RIT2: variants seen among roughly 807,000 people sequenced by gnomAD.
RIT2 encodes the protein Ras like without CAAX 2, also known as GTP-binding protein Rit2.
A neutral mutation model predicts 23.7 loss-of-function variants in RIT2; 24 were observed. The observed-to-expected ratio is 1.01, with a 90% CI of 0.73 to 1.43. RIT2 has a LOEUF of 1.43. Ranked by LOEUF, RIT2 falls within the 40% of genes most tolerant of loss-of-function variation. The pLI is 0.00. For missense variants in RIT2, 236 were observed against 266.9 expected, an observed-to-expected ratio of 0.88 and a Z score of 0.81; for synonymous variants, 107 against 91.1, an observed-to-expected ratio of 1.17 and a Z score of -0.99.
At chr18:42,820,462 G>A (rs1264291467) in intron 4 of RIT2, among the ~76,000 whole-genome samples, 1 of 152,190 alleles carries the variant, frequency 6.6e-6, no homozygotes, top group East Asian at 1.9e-4. Context: ...ACCTACAGGG[G>A]CTACATCAAT....
chr18:42,903,044 ATAG>A (rs202141717), intron 4 of RIT2, among the ~76,000 whole-genome samples: 1,529 of 152,090 alleles, frequency 0.01, 22 homozygotes, highest in African/African-American at 0.034. Flanking sequence ...AGGCATAAAA[ATAG>A]TAGAAAAAGA....
intron 4 of RIT2, among the ~76,000 whole-genome samples, chr18:42,780,822 T>G (rs2143931509): frequency 6.9e-6 from 1 of 144,684 alleles, no homozygotes. Flanking sequence ...TTTTCAGGCT[T>G]TTTTTTTTTT....
intron 1 of RIT2, among the ~76,000 whole-genome samples, chr18:43,068,379 C>G (rs62092700): frequency 0.09 from 13,666 of 152,196 alleles, 704 homozygotes; most frequent in East Asian, 0.19. Flanking sequence ...GGCTAACCAT[C>G]TGAAACATAT....
At position 43,009,321 on chromosome 18, in the gene RIT2, C is replaced by G. The variant is rs982783844; in HGVS notation, c.160+24490G>C. The stretch of plus-strand genomic sequence containing the variant: ...GAAATGTGACAGCAACATTTTTCAA[C>G]AAGTGGAGCTCAGAAGGGATGGATC... On this transcript the variant is annotated intron_variant, in intron 2 of 4. Transcript: ENST00000326695. Among the ~76,000 whole-genome samples the G allele has an allele frequency of 3.0e-4, 46 of 151,504 alleles. 1 individual carries two copies. The highest frequency in any genetic ancestry group is 1.1e-3 in the African/African-American group (45 of 41,296).
intron 4 of RIT2, among the ~76,000 whole-genome samples, chr18:42,801,061 C>T (rs1905527776): frequency 6.6e-6 from 1 of 152,036 alleles, no homozygotes. Context: ...AAGCAAACAG[C>T]CTCATGTGTC....
chr18:43,026,625 A>AAAGG, intron 2 of RIT2, among the ~76,000 whole-genome samples: 1 of 130,928 alleles, frequency 7.6e-6, no homozygotes, highest in African/African-American at 2.7e-5. Context: ...AGAAAGAAAG[A>AAAGG]AAGAAAGAAA....
intron 4 of RIT2, among the ~76,000 whole-genome samples, chr18:42,764,774 C>T (rs572596116): frequency 6.6e-6 from 1 of 152,348 alleles, no homozygotes; most frequent in Admixed American, 6.5e-5. Context: ...ATCCTCTCAT[C>T]TGCTAACCTT....
chr18:43,066,185 C>T (rs1912766766), intron 1 of RIT2, among the ~76,000 whole-genome samples: 1 of 152,080 alleles, frequency 6.6e-6, no homozygotes, highest in South Asian at 2.1e-4. Flanking sequence ...GATGCATCAT[C>T]ATCATTACAA....
At chr18:42,892,196 C>T (rs1431728795) in intron 4 of RIT2, among the ~76,000 whole-genome samples, 1 of 152,178 alleles carries the variant, frequency 6.6e-6, no homozygotes, top group Non-Finnish European at 1.5e-5. Context: ...CTCTGTAGCA[C>T]TTCCTACCTA....
intron 4 of RIT2, among the ~76,000 whole-genome samples, chr18:42,751,912 A>G (rs576628304): frequency 6.6e-6 from 1 of 152,258 alleles, no homozygotes; most frequent in South Asian, 2.1e-4. Flanking sequence ...TACTTTAACA[A>G]TAAAGTTTTA....
intron 4 of RIT2, among the ~76,000 whole-genome samples, chr18:42,912,170 G>A (rs1355677847): frequency 6.6e-6 from 1 of 150,904 alleles, no homozygotes; most frequent in Non-Finnish European, 1.5e-5. Context: ...ATTTCAATAA[G>A]CCAAGGAAAA....
intron 2 of RIT2, among the ~76,000 whole-genome samples, chr18:43,001,931 C>G (rs1911117171): frequency 1.3e-5 from 2 of 151,950 alleles, no homozygotes; most frequent in African/African-American, 2.4e-5. Context: ...CAGAACTTTA[C>G]TGGATTAGTC....
chr18:42,839,758 C>T (rs954058496), intron 4 of RIT2, among the ~76,000 whole-genome samples: 5 of 152,092 alleles, frequency 3.3e-5, no homozygotes, highest in African/African-American at 7.2e-5. Context: ...AATGAACATA[C>T]GAATGGACAG....
intron 3 of RIT2, among the ~76,000 whole-genome samples, chr18:42,960,076 G>A (rs764362015): frequency 6.6e-6 from 1 of 152,136 alleles, no homozygotes; most frequent in Non-Finnish European, 1.5e-5. Flanking sequence ...AAATGTCTTA[G>A]CACTGTTCAA....
chr18:43,021,064 A>G (rs998295028), intron 2 of RIT2, among the ~76,000 whole-genome samples: 15 of 152,266 alleles, frequency 9.9e-5, no homozygotes, highest in Middle Eastern at 3.4e-3. Context: ...CAGTCAACAA[A>G]ATGAAGAGAC....
rs537358902 is a variant in RIT2 at position 42,875,332 on chromosome 18, T to C, written c.426+48240A>G. 3.1e-4 allele frequency among the ~76,000 whole-genome samples: 45 copies of C among 143,646 alleles called. 1 individual carries two copies. In the East Asian group the frequency reaches 6.4e-3, roughly 20 times the overall value. 94.2% of individuals were successfully genotyped at this position (143,646 alleles called of 152,430 possible). A position where few individuals can be genotyped will look rare whatever the true frequency, so the allele number is the denominator to read the frequency against. On this transcript the variant is annotated intron_variant, in intron 4 of 4. Coordinates refer to ENST00000326695, the MANE Select transcript of RIT2 (RefSeq NM_002930.4). ...CCAGTTGCCTTCTTTCTCTCTCTCT[T>C]TTTTTTTTTTTTTAAAAAAAGGTAA...
chr18:42,825,003 C>T (rs1226223694), intron 4 of RIT2, among the ~76,000 whole-genome samples: 1 of 151,808 alleles, frequency 6.6e-6, no homozygotes, highest in Non-Finnish European at 1.5e-5. Flanking sequence ...CCATTAATTG[C>T]AGGAATCTGA....
At chr18:43,074,006 G>T (rs1378677582) in intron 1 of RIT2, among the ~76,000 whole-genome samples, 5 of 152,060 alleles carry the variant, frequency 3.3e-5, no homozygotes, top group Admixed American at 1.3e-4. Flanking sequence ...GTTGTGCGGG[G>T]ATCATAATGT....
At chr18:42,878,958 C>A (rs1907817385) in intron 4 of RIT2, among the ~76,000 whole-genome samples, 1 of 151,562 alleles carries the variant, frequency 6.6e-6, no homozygotes, top group Non-Finnish European at 1.5e-5. Context: ...CTTAAAAAAT[C>A]TTCCCTAGGG....
Sources: gnomAD v4.1 joint callset for allele counts (sites outside exome capture counted in the v4.1 genomes callset) on GRCh38, gnomAD v4.1.1 for gene constraint, MANE v1.5 for transcripts, NCBI Gene and HGNC (gene_info 2026-07-23, HGNC 2026-07-21) for gene names.